PTPRM: variants seen among roughly 807,000 people sequenced by gnomAD.
PTPRM encodes the protein receptor-type tyrosine-protein phosphatase mu.
In PTPRM, 47 loss-of-function variants were observed where a neutral mutation model predicts 186.7. That is an observed-to-expected ratio of 0.25 (90% CI 0.20 to 0.32). PTPRM has a LOEUF of 0.32. Ranked by LOEUF, PTPRM falls within the 10% of genes least tolerant of loss-of-function variation. The probability of loss-of-function intolerance (pLI) is 1.00; values close to 1 mark genes in which losing one functional copy is unlikely to be tolerated. For missense variants in PTPRM, 1,494 were observed against 1,865.0 expected, an observed-to-expected ratio of 0.80 and a Z score of 3.66; for synonymous variants, 668 against 674.9, an observed-to-expected ratio of 0.99 and a Z score of 0.16.
intron 9 of PTPRM, among the ~76,000 whole-genome samples, chr18:8,084,864 A>G (rs1391930570): frequency 6.6e-6 from 1 of 152,064 alleles, no homozygotes; most frequent in Non-Finnish European, 1.5e-5. Flanking sequence ...AAAGGCACCT[A>G]TGTTATATTT....
chr18:8,207,245 G>A (rs4597384), intron 14 of PTPRM, among the ~76,000 whole-genome samples: 92,583 of 151,776 alleles, frequency 0.61, 28,670 homozygotes, highest in East Asian at 0.83. Context: ...AGTTTTCACC[G>A]GATGATATTT....
intron 7 of PTPRM, among the ~76,000 whole-genome samples, chr18:8,040,118 G>A (rs1259305778): frequency 6.6e-6 from 1 of 152,170 alleles, no homozygotes; most frequent in African/African-American, 2.4e-5. Flanking sequence ...AGAAGTAGAT[G>A]ATTGGATGCA....
At chr18:7,926,503 G>T in intron 4 of PTPRM, 65 bp from the exon 5 acceptor site, 2 of 1,273,364 alleles carry the variant, frequency 1.6e-6, no homozygotes, top group South Asian at 1.6e-5. Context: ...CAGATAGATT[G>T]AAGAAGACAT....
chr18:7,648,241 T>C (rs888757171), intron 1 of PTPRM, among the ~76,000 whole-genome samples: 4 of 152,296 alleles, frequency 2.6e-5, no homozygotes, highest in Middle Eastern at 3.4e-3. Context: ...TTGATAAATG[T>C]GTGCTTTTCA....
intron 30 of PTPRM, among the ~76,000 whole-genome samples, chr18:8,386,382 C>T (rs2095773371): frequency 6.6e-6 from 1 of 151,894 alleles, no homozygotes; most frequent in Non-Finnish European, 1.5e-5. Flanking sequence ...GAGACTGAGG[C>T]AGAGAGAGAG....
chr18:8,278,731 G>A (rs1185573777), intron 19 of PTPRM, among the ~76,000 whole-genome samples: 1 of 152,170 alleles, frequency 6.6e-6, no homozygotes, highest in Admixed American at 6.5e-5. Context: ...CATGTGTGGG[G>A]TACAGAGGGC....
intron 14 of PTPRM, among the ~76,000 whole-genome samples, chr18:8,179,031 T>C (rs2093532622): frequency 6.6e-6 from 1 of 152,194 alleles, no homozygotes; most frequent in African/African-American, 2.4e-5. Flanking sequence ...AGGGACTGCA[T>C]ACAGAAGGTA....
intron 2 of PTPRM, among the ~76,000 whole-genome samples, chr18:7,817,461 A>G (rs1003387591): frequency 2.0e-5 from 3 of 152,222 alleles, no homozygotes; most frequent in Admixed American, 2.0e-4. Context: ...ATTTGGGGTT[A>G]TTATTGTACT....
chr18:8,301,949 C>T (rs1052583489), intron 20 of PTPRM, among the ~76,000 whole-genome samples: 2 of 152,240 alleles, frequency 1.3e-5, no homozygotes, highest in Admixed American at 6.5e-5. Context: ...GCCCAGGTGG[C>T]CGGTACAGCA....
intron 1 of PTPRM, among the ~76,000 whole-genome samples, chr18:7,634,972 A>G (rs4559980): frequency 0.079 from 12,103 of 152,262 alleles, 735 homozygotes; most frequent in African/African-American, 0.17. Flanking sequence ...TCACACAGGC[A>G]TATCTTTTAT....
intron 1 of PTPRM, among the ~76,000 whole-genome samples, chr18:7,664,025 C>T (rs972191724): frequency 3.3e-5 from 5 of 152,194 alleles, no homozygotes; most frequent in Admixed American, 1.3e-4. Context: ...TTTCAGCCTC[C>T]GTGCTGGATG....
At chr18:8,274,822 G>A (rs1022413208) in intron 19 of PTPRM, among the ~76,000 whole-genome samples, 8 of 152,184 alleles carry the variant, frequency 5.3e-5, no homozygotes, top group African/African-American at 1.9e-4. Flanking sequence ...CAATGTCCTT[G>A]TCAAGAGCTT....
chr18:8,223,643 AC>A (rs1212972734), intron 14 of PTPRM, among the ~76,000 whole-genome samples: 2 of 152,104 alleles, frequency 1.3e-5, no homozygotes, highest in Non-Finnish European at 2.9e-5. Context: ...AGAAATTTGC[AC>A]CTGATTGAAG....
rs77619803 is a variant in PTPRM at position 8,199,971 on chromosome 18, A to G, written c.2301-44087A>G. The stretch of plus-strand genomic sequence containing the variant: ...AAAAAAAAAATCTTGTTGTTAAATA[A>G]TATATGGGTATTATTTGTCACATAT... On this transcript the variant is annotated intron_variant, in intron 14 of 32. Coordinates refer to ENST00000580170, the MANE Select transcript of PTPRM (RefSeq NM_001105244.2). Among the ~76,000 whole-genome samples, 826 of 152,288 alleles carry G rather than the reference A, an allele frequency of 5.4e-3. 8 individuals are homozygous for G. Among genetic ancestry groups the G allele is most frequent in the African/African-American group, 0.019 (775 of 41,550 alleles).
chr18:8,337,246 G>C (rs1279456960), intron 22 of PTPRM, among the ~76,000 whole-genome samples: 1 of 151,958 alleles, frequency 6.6e-6, no homozygotes. Flanking sequence ...GCACAGACTG[G>C]TCTCAAACTC....
chr18:7,651,774 C>T (rs9753949), intron 1 of PTPRM, among the ~76,000 whole-genome samples: 2,425 of 152,226 alleles, frequency 0.016, 69 homozygotes, highest in African/African-American at 0.055. Flanking sequence ...AAGACTTAAA[C>T]GTTAGACCTA....
intron 7 of PTPRM, among the ~76,000 whole-genome samples, chr18:8,024,133 A>C (rs1033413781): frequency 6.6e-6 from 1 of 152,252 alleles, no homozygotes; most frequent in Middle Eastern, 3.4e-3. Flanking sequence ...TGAGGACAGA[A>C]ATGATTTTTA....
chr18:8,128,033 A>T (rs1016569937), intron 13 of PTPRM, among the ~76,000 whole-genome samples: 1 of 152,132 alleles, frequency 6.6e-6, no homozygotes, highest in African/African-American at 2.4e-5. Context: ...GCACTCGAAA[A>T]CGTACTATCT....
At chr18:8,405,400 G>A (rs2095899689) in intron 32 of PTPRM, among the ~76,000 whole-genome samples, 2 of 152,110 alleles carry the variant, frequency 1.3e-5, no homozygotes, top group Admixed American at 1.3e-4. Context: ...CAGAAGCCAG[G>A]ACCGTCCAGG....
Sources: allele counts gnomAD v4.1 joint callset (sites outside exome capture counted in the v4.1 genomes callset), GRCh38; gene constraint gnomAD v4.1.1; transcripts MANE v1.5; gene names NCBI Gene and HGNC (gene_info 2026-07-23, HGNC 2026-07-21).